The following UGT1A8 variants were observed in gnomAD, a reference collection of about 807,000 sequenced individuals.
The protein encoded by UGT1A8 is UDP glucuronosyltransferase family 1 member A8, also known as UDP-glucuronosyltransferase 1A8.
In UGT1A8, 39 loss-of-function variants were observed where a neutral mutation model predicts 45.3. That is an observed-to-expected ratio of 0.86 (90% CI 0.67 to 1.12). The LOEUF is 1.12. UGT1A8 is among the 50% of genes most tolerant of loss of function. The pLI is 0.00. For missense variants in UGT1A8, 719 were observed against 664.9 expected, an observed-to-expected ratio of 1.08 and a Z score of -0.90; for synonymous variants, 275 against 249.2, an observed-to-expected ratio of 1.10 and a Z score of -0.97.
At position 233,672,012 on chromosome 2, in the gene UGT1A8, G is replaced by T. The variant is rs760113233; in HGVS notation, c.855+53450G>T. 4.3e-6 allele frequency: 7 copies of T among 1,614,016 alleles called. 1 individual carries two copies. In the South Asian group the frequency reaches 7.7e-5, roughly 18 times the overall value. On this transcript the variant is annotated intron_variant, in intron 1 of 4. Transcript: ENST00000373450. ...TGACCTGTGGCTTTGCCGAGGCAGGGAAGCTACTGGTAGTGCCCATGGATG... is the reference window on the plus strand; with the variant it reads ...TGACCTGTGGCTTTGCCGAGGCAGGTAAGCTACTGGTAGTGCCCATGGATG...
At position 233,707,178 on chromosome 2, in the gene UGT1A8, G is replaced by A. The variant is rs188672794; in HGVS notation, c.856-59856G>A. 2.8e-3 allele frequency among the ~76,000 whole-genome samples: 419 copies of A among 152,098 alleles called. 4 individuals are homozygous for A. Among genetic ancestry groups the A allele is most frequent in the African/African-American group, 9.8e-3 (406 of 41,496 alleles). Reference sequence around the variant, plus strand: ...TATCAGCACCCAGACATCCATCCTGGGTGCCTGCCCTCCGTTCTATTCCCT... The same window carrying A: ...TATCAGCACCCAGACATCCATCCTGAGTGCCTGCCCTCCGTTCTATTCCCT... On this transcript the variant is annotated intron_variant, in intron 1 of 4. Coordinates refer to ENST00000373450, the MANE Select transcript of UGT1A8 (RefSeq NM_019076.5).
intron 1 of UGT1A8, chr2:233,647,814 G>T (rs920213033): frequency 2.0e-5 from 17 of 833,424 alleles, no homozygotes; most frequent in Non-Finnish European, 2.7e-5. Context: ...CAAGTTAATT[G>T]ATTTGCCCCA....
chr2:233,739,424 C>T lies in UGT1A8; in HGVS notation c.856-27610C>T, dbSNP rs531347929. Among the ~76,000 whole-genome samples, 15 of 152,298 alleles carry T rather than the reference C, an allele frequency of 9.8e-5. No homozygotes were observed. In the South Asian group the frequency reaches 1.7e-3, roughly 17 times the overall value. ...TGCCACCCTCTGAAAGCAGCCAGGA[C>T]GAGGGCTTTACCCTGCAAAGCCACA... On this transcript the variant is annotated intron_variant, in intron 1 of 4. Transcript: ENST00000373450.
At chr2:233,766,826 T>G (rs1699252557) in intron 1 of UGT1A8, among the ~76,000 whole-genome samples, 1 of 152,230 alleles carries the variant, frequency 6.6e-6, no homozygotes, top group Non-Finnish European at 1.5e-5. Context: ...AGGATAATTC[T>G]GTAAGCAGGA....
chr2:233,724,978 CT>C (rs879408503), intron 1 of UGT1A8, among the ~76,000 whole-genome samples: 4,867 of 144,460 alleles, frequency 0.034, 246 homozygotes, highest in African/African-American at 0.053. Context: ...TGGCGGATCA[CT>C]CGCGGTTAGG....
At chr2:233,760,573 G>C (rs1208621089) in intron 1 of UGT1A8, 1 of 1,614,170 alleles carries the variant, frequency 6.2e-7, no homozygotes, top group Non-Finnish European at 8.5e-7. Flanking sequence ...TGTTAGTCTC[G>C]GGCATAATGT....
intron 1 of UGT1A8, chr2:233,718,953 C>A (rs369434904): frequency 1.2e-6 from 2 of 1,614,166 alleles, no homozygotes; most frequent in East Asian, 4.5e-5. Flanking sequence ...GCTCAGCATG[C>A]GGGAGGCCTT....
intron 1 of UGT1A8, among the ~76,000 whole-genome samples, chr2:233,714,935 G>A (rs1484884926): frequency 2.0e-5 from 3 of 152,106 alleles, no homozygotes; most frequent in Non-Finnish European, 4.4e-5. Flanking sequence ...GGAGTGCAGT[G>A]GTGGGATCTT....
intron 1 of UGT1A8, among the ~76,000 whole-genome samples, chr2:233,701,053 A>C (rs1168383936): frequency 3.3e-5 from 5 of 152,162 alleles, no homozygotes; most frequent in South Asian, 2.1e-4. Flanking sequence ...ATGAACTCAT[A>C]ATTTTTTATG....
At chr2:233,665,947 G>A (rs1333117717) in intron 1 of UGT1A8, among the ~76,000 whole-genome samples, 1 of 152,156 alleles carries the variant, frequency 6.6e-6, no homozygotes, top group Admixed American at 6.5e-5. Flanking sequence ...AACACTGGAT[G>A]TCTTAGTCCG....
chr2:233,730,518 T>C (rs1423750757), intron 1 of UGT1A8, among the ~76,000 whole-genome samples: 2 of 152,032 alleles, frequency 1.3e-5, no homozygotes, highest in African/African-American at 4.8e-5. Context: ...TCAGTGGAAG[T>C]GGGGCAATGA....
At position 233,618,335 on chromosome 2, in the gene UGT1A8, C is replaced by G. The variant is rs377565867; in HGVS notation, c.628C>G (p.His210Asp). 3 of 1,613,758 alleles carry G rather than the reference C, an allele frequency of 1.9e-6. No homozygotes were observed. The African/African-American group carries it at 4.0e-5, about 22-fold the overall frequency. Residue 210 changes from histidine (H) to aspartate (D), a missense_variant, in exon 1 of 5, where the codon CAC becomes GAC. His to Asp is a moderately conservative substitution (Grantham distance 81). Transcript: ENST00000373450. ...GACTTTCAAGGAGAGAGTACGGAAC[C>G]ACATCATGCACTTGGAGGAACATTT... ...AMTFKERVRN[H>D]IMHLEEHLFC...
chr2:233,716,707 T>G (rs2076520900), intron 1 of UGT1A8, among the ~76,000 whole-genome samples: 1 of 152,188 alleles, frequency 6.6e-6, no homozygotes, highest in Non-Finnish European at 1.5e-5. Flanking sequence ...TTAAAAACAC[T>G]AAAGAGTTCC....
chr2:233,680,877 T>A (rs573475501), intron 1 of UGT1A8, among the ~76,000 whole-genome samples: 1 of 151,960 alleles, frequency 6.6e-6, no homozygotes, highest in East Asian at 2.0e-4. Context: ...TGGGCAAGCA[T>A]AGGGACGGCG....
At chr2:233,731,192 A>C (rs1451773849) in intron 1 of UGT1A8, among the ~76,000 whole-genome samples, 1 of 152,106 alleles carries the variant, frequency 6.6e-6, no homozygotes. Context: ...GTAATTATTC[A>C]ATTATAAAAT....
chr2:233,649,061 T>C (rs1319553218), intron 1 of UGT1A8: 2 of 942,020 alleles, frequency 2.1e-6, no homozygotes, highest in African/African-American at 3.4e-5. Flanking sequence ...TTAAAAGTAT[T>C]CTGGATTTGA....
At chr2:233,751,684 G>T (rs1056105452) in intron 1 of UGT1A8, among the ~76,000 whole-genome samples, 7 of 152,138 alleles carry the variant, frequency 4.6e-5, no homozygotes, top group Non-Finnish European at 1.0e-4. Flanking sequence ...AGAGCTGATG[G>T]TTTTATAAGG....
At chr2:233,718,401 C>G (rs1023321432) in intron 1 of UGT1A8, among the ~76,000 whole-genome samples, 1 of 152,202 alleles carries the variant, frequency 6.6e-6, no homozygotes, top group Non-Finnish European at 1.5e-5. Flanking sequence ...TAGCAAATAG[C>G]GTCACATTCA....
chr2:233,750,907 A>G (rs908558459), intron 1 of UGT1A8, among the ~76,000 whole-genome samples: 1 of 151,862 alleles, frequency 6.6e-6, no homozygotes, highest in Non-Finnish European at 1.5e-5. Flanking sequence ...TCTGCTAGAG[A>G]AGGGTGGTAA....
Sources: gnomAD v4.1 joint callset for allele counts (sites outside exome capture counted in the v4.1 genomes callset) on GRCh38, gnomAD v4.1.1 for gene constraint, MANE v1.5 for transcripts, NCBI Gene and HGNC (gene_info 2026-07-23, HGNC 2026-07-21) for gene names.